ANOS1: variants seen among roughly 807,000 people sequenced by gnomAD.
ANOS1 encodes the protein anosmin-1.
In ANOS1, 6 loss-of-function variants were observed where a neutral mutation model predicts 59.0. The observed-to-expected ratio is 0.10, with a 90% CI of 0.06 to 0.20. ANOS1 has a LOEUF of 0.20. Ranked by LOEUF, ANOS1 falls within the 10% of genes least tolerant of loss-of-function variation. The pLI is 1.00. For missense variants in ANOS1, 433 were observed against 542.3 expected (o/e 0.80, Z 2.00); for synonymous variants, 217 against 223.4 (o/e 0.97, Z 0.25).
intron 3 of ANOS1, among the ~76,000 whole-genome samples, chrX:8,601,695 T>C (rs1930845874): frequency 8.9e-6 from 1 of 112,285 alleles, no homozygotes; most frequent in Admixed American, 9.5e-5. Flanking sequence ...CCATGGTTTC[T>C]AGACTGGTTT....
intron 9 of ANOS1, among the ~76,000 whole-genome samples, chrX:8,553,599 T>A: frequency 9.0e-6 from 1 of 111,598 alleles, no homozygotes; most frequent in East Asian, 2.8e-4. Flanking sequence ...TTTCCCCCCC[T>A]ACTTTCTAAA....
At chrX:8,616,815 T>C (rs1931185918) in intron 3 of ANOS1, among the ~76,000 whole-genome samples, 1 of 111,663 alleles carries the variant, frequency 9.0e-6, no homozygotes, top group Admixed American at 9.5e-5. Context: ...TTGTACCAAG[T>C]AAAAGAAAAA....
At chrX:8,722,438 A>G (rs1932881241) in intron 1 of ANOS1, among the ~76,000 whole-genome samples, 1 of 111,557 alleles carries the variant, frequency 9.0e-6, no homozygotes, top group South Asian at 3.8e-4. Context: ...CCCACTTACA[A>G]GTGAGAACAT....
intron 2 of ANOS1, among the ~76,000 whole-genome samples, chrX:8,668,839 C>G (rs756364102): frequency 9.0e-6 from 1 of 111,133 alleles, no homozygotes; most frequent in African/African-American, 3.3e-5. Context: ...TTCCACTGTT[C>G]TAGCCACAAA....
At chrX:8,628,652 T>G (rs1312742430) in intron 2 of ANOS1, among the ~76,000 whole-genome samples, 1 of 112,349 alleles carries the variant, frequency 8.9e-6, no homozygotes, top group East Asian at 2.8e-4. Flanking sequence ...ATGTACTGCC[T>G]AAAACTATCC....
intron 2 of ANOS1, among the ~76,000 whole-genome samples, chrX:8,637,819 T>C (rs1203781457): frequency 8.9e-6 from 1 of 112,317 alleles, no homozygotes; most frequent in Non-Finnish European, 1.9e-5. Context: ...CTGAATTCAA[T>C]TAGGTTATGC....
intron 2 of ANOS1, among the ~76,000 whole-genome samples, chrX:8,677,712 C>T (rs1385738639): frequency 2.7e-5 from 3 of 111,196 alleles, no homozygotes; most frequent in Non-Finnish European, 3.8e-5. Context: ...TATTTTTTTC[C>T]TCTGAAAGGG....
chrX:8,673,049 T>C (rs959494840), intron 2 of ANOS1, among the ~76,000 whole-genome samples: 2 of 111,337 alleles, frequency 1.8e-5, no homozygotes, highest in Admixed American at 1.9e-4. Flanking sequence ...AAGAGAACTG[T>C]AAAAAAAGAC....
At chrX:8,577,113 C>G (rs1306577220) in intron 6 of ANOS1, among the ~76,000 whole-genome samples, 2 of 111,842 alleles carry the variant, frequency 1.8e-5, no homozygotes, top group African/African-American at 6.5e-5. Flanking sequence ...ACTGCTCTCC[C>G]CTAGTTGGGA....
chrX:8,616,158 C>A (rs942412606), intron 3 of ANOS1, among the ~76,000 whole-genome samples: 1 of 110,645 alleles, frequency 9.0e-6, no homozygotes, highest in African/African-American at 3.3e-5. Flanking sequence ...CACCCAATAA[C>A]ACTGCTCTTG....
At chrX:8,701,656 T>C (rs1206611281) in intron 1 of ANOS1, among the ~76,000 whole-genome samples, 1 of 112,552 alleles carries the variant, frequency 8.9e-6, no homozygotes, top group African/African-American at 3.2e-5. Flanking sequence ...GGCTTCTTGA[T>C]GCTAAATGCT....
chrX:8,577,087 G>T, intron 6 of ANOS1, among the ~76,000 whole-genome samples: 1 of 111,645 alleles, frequency 9.0e-6, no homozygotes, highest in Non-Finnish European at 1.9e-5. Context: ...GGCCAAATTT[G>T]GACCCTGGGC....
At chrX:8,540,435 A>G (rs1929664587) in intron 9 of ANOS1, among the ~76,000 whole-genome samples, 1 of 111,203 alleles carries the variant, frequency 9.0e-6, no homozygotes, top group Non-Finnish European at 1.9e-5. Flanking sequence ...AACACAGGCC[A>G]GAAGACTGAC....
At chrX:8,687,461 A>C (rs747340618) in intron 2 of ANOS1, among the ~76,000 whole-genome samples, 1 of 102,659 alleles carries the variant, frequency 9.7e-6, no homozygotes, top group Non-Finnish European at 2.0e-5. Context: ...CATAAATATT[A>C]AAAAAAAAAG....
chrX:8,651,622 C>T (rs781709922), intron 2 of ANOS1, among the ~76,000 whole-genome samples: 2 of 111,997 alleles, frequency 1.8e-5, no homozygotes, highest in South Asian at 7.4e-4. Context: ...AACGATTTCC[C>T]AAGTTGAGAT....
chrX:8,613,658 TA>T (rs1158964559), intron 3 of ANOS1, among the ~76,000 whole-genome samples: 1 of 110,701 alleles, frequency 9.0e-6, no homozygotes, highest in East Asian at 2.9e-4. Context: ...GTTTGTTTTT[TA>T]AAACAGGGTC....
intron 2 of ANOS1, among the ~76,000 whole-genome samples, chrX:8,624,292 A>G (rs1347508251): frequency 1.8e-5 from 2 of 111,596 alleles, no homozygotes; most frequent in Admixed American, 1.9e-4. Context: ...TTGGGATTAC[A>G]GGCGTGAGCC....
At chrX:8,646,703 G>A (rs949282643) in intron 2 of ANOS1, among the ~76,000 whole-genome samples, 3 of 109,751 alleles carry the variant, frequency 2.7e-5, no homozygotes, top group South Asian at 4.0e-4. Context: ...AGGCTGCAGC[G>A]GGTGGATTGC....
intron 9 of ANOS1, among the ~76,000 whole-genome samples, chrX:8,549,956 T>C (rs1356690712): frequency 8.9e-6 from 1 of 112,057 alleles, no homozygotes; most frequent in African/African-American, 3.2e-5. Flanking sequence ...TCATGCCTAA[T>C]AGTATCACTT....
Sources: allele counts gnomAD v4.1 joint callset (sites outside exome capture counted in the v4.1 genomes callset), GRCh38; gene constraint gnomAD v4.1.1; transcripts MANE v1.5; gene names NCBI Gene and HGNC (gene_info 2026-07-23, HGNC 2026-07-21).